The following LRP1B variants were observed in gnomAD, a reference collection of about 807,000 sequenced individuals.
The protein encoded by LRP1B is low-density lipoprotein receptor-related protein 1B.
LRP1B carries 217 observed loss-of-function variants against 556.6 expected under a neutral mutation model. The ratio of observed to expected loss-of-function variants is 0.39; its 90% CI spans 0.35 to 0.44. The LOEUF is 0.44. Among genes scored for constraint, LRP1B ranks in the 20% least tolerant of loss-of-function variants. LRP1B has a pLI of 1.00. For missense variants in LRP1B, 5,053 were observed against 5,620.8 expected, an observed-to-expected ratio of 0.90 and a Z score of 3.23; for synonymous variants, 2,047 against 1,865.8, an observed-to-expected ratio of 1.10 and a Z score of -2.50.
intron 1 of LRP1B, among the ~76,000 whole-genome samples, chr2:141,941,781 A>G (rs751294988): frequency 1.3e-5 from 2 of 152,184 alleles, no homozygotes; most frequent in African/African-American, 2.4e-5. Flanking sequence ...GTTTTAGATA[A>G]TAAGAGTCCA....
At position 141,453,251 on chromosome 2, in the gene LRP1B, T is replaced by A. The variant is rs568779132; in HGVS notation, c.343+27145A>T. Among the ~76,000 whole-genome samples the A allele has an allele frequency of 5.3e-5, 8 of 151,696 alleles. No individual in the cohort carries two copies. In the South Asian group the frequency reaches 1.0e-3, roughly 20 times the overall value. ...GACTCCATCTCAAAATAAAAAAAAA[T>A]ACACAAAATAACAATGTCTGAGGAT... is the stretch of plus-strand genomic sequence containing the variant. On this transcript the variant is annotated intron_variant, in intron 3 of 90. Coordinates refer to ENST00000389484, the MANE Select transcript of LRP1B (RefSeq NM_018557.3).
chr2:142,007,801 G>T (rs1702844479), intron 1 of LRP1B, among the ~76,000 whole-genome samples: 1 of 152,022 alleles, frequency 6.6e-6, no homozygotes, highest in African/African-American at 2.4e-5. Flanking sequence ...AACAGACAAG[G>T]GTATATTCCC....
intron 38 of LRP1B, 38 bp downstream of exon 38, chr2:140,702,389 T>C (rs780911675): frequency 8.1e-6 from 13 of 1,611,120 alleles, no homozygotes; most frequent in Non-Finnish European, 1.1e-5. Context: ...AAGTTGTCAG[T>C]TAAGGCACTT....
chr2:141,574,844 T>G (rs1036599739), intron 2 of LRP1B, among the ~76,000 whole-genome samples: 10 of 152,046 alleles, frequency 6.6e-5, no homozygotes, highest in African/African-American at 2.4e-4. Flanking sequence ...ATGAATGAAC[T>G]TCCATTCAAA....
Position 142,115,572 on chromosome 2 carries a change from T to TTA in LRP1B, c.82+15074_82+15075dup, listed in dbSNP as rs1553518956. 6.3e-3 allele frequency among the ~76,000 whole-genome samples: 228 copies of TTA among 36,304 alleles called. 32 individuals are homozygous for TTA. Among genetic ancestry groups the TTA allele is most frequent in the African/African-American group, 7.8e-3 (68 of 8,720 alleles). 23.8% of individuals were successfully genotyped at this position (36,304 alleles called of 152,430 possible). A position where few individuals can be genotyped will look rare whatever the true frequency, so the allele number is the denominator to read the frequency against. On this transcript the variant is annotated intron_variant, in intron 1 of 90. Coordinates refer to ENST00000389484, the MANE Select transcript of LRP1B (RefSeq NM_018557.3). ...ATATATATTATATATGTAATATATA[T>TTA]TATATATGTAATATATATATTATAT...
chr2:141,271,524 T>C (rs1309524257), intron 3 of LRP1B, among the ~76,000 whole-genome samples: 1 of 151,722 alleles, frequency 6.6e-6, no homozygotes, highest in African/African-American at 2.4e-5. Flanking sequence ...AGTCCCAATA[T>C]GAATAACAGC....
At chr2:140,883,214 G>A (rs967669451) in intron 25 of LRP1B, among the ~76,000 whole-genome samples, 4 of 152,024 alleles carry the variant, frequency 2.6e-5, no homozygotes, top group Non-Finnish European at 4.4e-5. Flanking sequence ...CTTCACAACG[G>A]AACACAAAAG....
intron 2 of LRP1B, among the ~76,000 whole-genome samples, chr2:141,489,112 C>CTTTTTTT (rs70994433): frequency 1.3e-5 from 1 of 76,080 alleles, no homozygotes; most frequent in African/African-American, 5.8e-5. Context: ...TGATGCTTGG[C>CTTTTTTT]TTTTTTTTTT....
chr2:141,778,432 C>G (rs1469432917), intron 2 of LRP1B, among the ~76,000 whole-genome samples: 4 of 152,182 alleles, frequency 2.6e-5, no homozygotes, highest in Non-Finnish European at 5.9e-5. Flanking sequence ...TCTCCTCCTT[C>G]TAGACAGCGT....
At chr2:140,299,043 T>G (rs949323231) in intron 83 of LRP1B, among the ~76,000 whole-genome samples, 5 of 152,154 alleles carry the variant, frequency 3.3e-5, no homozygotes, top group Non-Finnish European at 7.4e-5. Flanking sequence ...ATCTTTCTCT[T>G]GTCTTTGTAG....
chr2:140,399,283 G>C (rs1247181078), intron 66 of LRP1B, among the ~76,000 whole-genome samples: 1 of 151,384 alleles, frequency 6.6e-6, no homozygotes, highest in Non-Finnish European at 1.5e-5. Context: ...TAGATTCCTG[G>C]AGAATTGCAC....
intron 20 of LRP1B, among the ~76,000 whole-genome samples, chr2:140,936,565 G>T (rs899448601): frequency 2.6e-5 from 4 of 151,736 alleles, no homozygotes; most frequent in African/African-American, 9.7e-5. Flanking sequence ...TGAAATGAAA[G>T]GAAAATAGAG....
chr2:140,534,023 T>C lies in LRP1B; in HGVS notation c.7760A>G (p.Lys2587Arg), dbSNP rs774243143. 5.0e-6 allele frequency: 8 copies of C among 1,613,250 alleles called. No homozygotes were observed. The South Asian group carries it at 8.8e-5, about 18-fold the overall frequency. Reference protein sequence around the residue: ...CGDNSDELDCKVSTCATVEFR... With the variant: ...CGDNSDELDCRVSTCATVEFR... ...AGATTGATGGAACAAGTATTTACCT[T>C]TACAATCTAATTCATCAGAGTTGTC... Residue 2587 changes from lysine to arginine, a missense_variant and splice_region_variant, in exon 47 of 91, where the codon AAA (lysine) becomes AGA (arginine). Physicochemically the swap from Lys to Arg is conservative, Grantham distance 26 (BLOSUM62 2). Around this residue, in one of 5 missense-constraint regions of LRP1B, gnomAD observed 3,619 missense variants for 3,931.9 expected, o/e 0.92. Coordinates refer to ENST00000389484, the MANE Select transcript of LRP1B (RefSeq NM_018557.3).
At chr2:140,522,125 C>A (rs1327479661) in intron 49 of LRP1B, among the ~76,000 whole-genome samples, 3 of 152,100 alleles carry the variant, frequency 2.0e-5, no homozygotes, top group African/African-American at 4.8e-5. Flanking sequence ...ACTACCGTAG[C>A]ATATACATTC....
chr2:141,432,423 G>A (rs576412935), intron 3 of LRP1B, among the ~76,000 whole-genome samples: 2 of 151,912 alleles, frequency 1.3e-5, no homozygotes, highest in African/African-American at 4.8e-5. Flanking sequence ...TTTTTATCTG[G>A]TTTTGAAATC....
chr2:141,318,488 G>A (rs543714715), intron 3 of LRP1B, among the ~76,000 whole-genome samples: 1 of 152,222 alleles, frequency 6.6e-6, no homozygotes, highest in East Asian at 1.9e-4. Context: ...ACTAAAAGAA[G>A]TAATAATTCT....
chr2:140,444,808 T>C (rs1686582447), intron 63 of LRP1B, 129 bp from the exon 64 acceptor site: 2 of 626,512 alleles, frequency 3.2e-6, no homozygotes, highest in Non-Finnish European at 5.7e-6. Flanking sequence ...ATGTCTCTCA[T>C]CTCGATAGCT....
chr2:141,679,831 T>A (rs187902481), intron 2 of LRP1B, among the ~76,000 whole-genome samples: 1,713 of 151,780 alleles, frequency 0.011, 20 homozygotes, highest in South Asian at 0.024. Flanking sequence ...TATGTAGACA[T>A]AATAAAAGAT....
intron 7 of LRP1B, among the ~76,000 whole-genome samples, chr2:141,071,752 C>T (rs1416025231): frequency 6.6e-6 from 1 of 152,124 alleles, no homozygotes; most frequent in Non-Finnish European, 1.5e-5. Context: ...CTCCCATTCA[C>T]AATTGCTTCA....
Sources: allele counts gnomAD v4.1 joint callset (sites outside exome capture counted in the v4.1 genomes callset), GRCh38; gene constraint gnomAD v4.1.1; regional missense constraint gnomAD v4.1.1; transcripts MANE v1.5; gene names NCBI Gene and HGNC (gene_info 2026-07-23, HGNC 2026-07-21).